Variants in SRRM1 observed in about 807,000 individuals in gnomAD.
The protein encoded by SRRM1 is serine/arginine repetitive matrix protein 1.
A neutral mutation model predicts 110.2 loss-of-function variants in SRRM1; 19 were observed. The observed-to-expected ratio is 0.17, with a 90% CI of 0.12 to 0.25. SRRM1 has a LOEUF of 0.25. Ranked by LOEUF, SRRM1 falls within the 10% of genes least tolerant of loss-of-function variation. SRRM1 has a pLI of 1.00. For synonymous variants in SRRM1, 443 were observed against 414.9 expected, an observed-to-expected ratio of 1.07 and a Z score of -0.82; for missense variants, 918 against 1,145.8, an observed-to-expected ratio of 0.80 and a Z score of 2.87.
At chr1:24,652,029 A>AATATATATATGTATATAT (rs1553167327) in intron 6 of SRRM1, among the ~76,000 whole-genome samples, 3 of 79,846 alleles carry the variant, frequency 3.8e-5, no homozygotes, top group Non-Finnish European at 7.7e-5. Context: ...CTGTACTAAA[A>AATATATATATGTATATAT]ATATATATAT....
At position 24,643,475 on chromosome 1, in the gene SRRM1, C is replaced by T. The variant is rs544697055; in HGVS notation, c.21+128C>T. 1.6e-4 allele frequency: 109 copies of T among 662,384 alleles called. 2 individuals carry two copies. In the African/African-American group the frequency reaches 2.0e-3, roughly 12 times the overall value. The allele number at this position is 662,384 out of a possible 1,614,324, so 41.0% of individuals were successfully genotyped here. A position where few individuals can be genotyped will look rare whatever the true frequency, so the allele number is the denominator to read the frequency against. ...GAGATCTTAAGGATTCCTCCTAGAG[C>T]CGGCGCACCCCCCCCCCCCCCGTGC... On this transcript the variant is annotated intron_variant, in intron 1 of 16. Transcript: ENST00000323848.
At chr1:24,652,059 T>C (rs1661200455) in intron 6 of SRRM1, among the ~76,000 whole-genome samples, 1 of 133,066 alleles carries the variant, frequency 7.5e-6, no homozygotes, top group South Asian at 2.4e-4. Flanking sequence ...TATATATATA[T>C]ATATGTACAC....
intron 3 of SRRM1, 190 bp from the exon 4 acceptor site, chr1:24,648,669 T>C: frequency 2.0e-6 from 1 of 494,314 alleles, no homozygotes; most frequent in Non-Finnish European, 3.5e-6. Flanking sequence ...AATTTGGTAA[T>C]CTGTTAGAGA....
In SRRM1 at chr1:24,651,637, AAAT is replaced by A. The variant is rs750480844; in HGVS notation, c.725+29_725+31del. On this transcript the variant is annotated intron_variant, in intron 6 of 16. Transcript: ENST00000323848. Reference sequence around the variant, plus strand: ...GGCAAGTATATAAAAATTCATTTATAAATAATCACAATTTTAGATTAATAGTGA... The same window carrying A: ...GGCAAGTATATAAAAATTCATTTATAAATCACAATTTTAGATTAATAGTGA... The A allele has an allele frequency of 5.2e-6, 8 of 1,533,704 alleles. No individual in the cohort carries two copies. The African/African-American group carries it at 6.9e-5, about 13-fold the overall frequency.
At chr1:24,657,532 G>A (rs1398338748) in intron 9 of SRRM1, among the ~76,000 whole-genome samples, 2 of 152,152 alleles carry the variant, frequency 1.3e-5, no homozygotes, top group Non-Finnish European at 2.9e-5. Context: ...TCATTGAAAT[G>A]TAATAGATAT....
chr1:24,666,667 A>AG (rs1271356731), intron 12 of SRRM1, 148 bp from the exon 13 acceptor site: 1 of 590,412 alleles, frequency 1.7e-6, no homozygotes, highest in Non-Finnish European at 3.0e-6. Flanking sequence ...CAGGAGGCTG[A>AG]GGGGGGAGAA....
In SRRM1 at chr1:24,655,087, A is replaced by C; in HGVS notation, c.1273A>C (p.Lys425Gln). 1 of 1,614,180 alleles carries C rather than the reference A, an allele frequency of 6.2e-7. No individual in the cohort carries two copies. Among genetic ancestry groups the C allele is most frequent in the Non-Finnish European group, 8.5e-7 (1 of 1,180,028 alleles). The change falls in exon 9 of 17, where the codon AAA (lysine) becomes CAA (glutamine). Residue 425 changes from lysine to glutamine, a missense_variant. Coordinates refer to ENST00000323848, the MANE Select transcript of SRRM1 (RefSeq NM_005839.4). ...PTPQQSNRTR[K>Q]SRVSVSPGRT... is the part of the protein sequence containing the mutation. The stretch of plus-strand genomic sequence containing the variant: ...ACCCCAGCAGTCAAACCGTACAAGA[A>C]AAAGTCGTGTTTCTGTGTCTCCAGG...
Position 24,650,096 on chromosome 1 carries a change from A to C in SRRM1, c.521+10A>C. 6.4e-7 allele frequency: 1 copy of C among 1,550,772 alleles called. No homozygotes were observed. ...CTCGTAGCCCAAGAAGGTATCATACAATAGATGCATAACTGATGTTTTACA... is the reference window on the plus strand; with the variant it reads ...CTCGTAGCCCAAGAAGGTATCATACCATAGATGCATAACTGATGTTTTACA... On this transcript the variant is annotated intron_variant, in intron 5 of 16. Transcript: ENST00000323848.
At chr1:24,649,344 A>G (rs769899557) in intron 4 of SRRM1, among the ~76,000 whole-genome samples, 38 of 152,206 alleles carry the variant, frequency 2.5e-4, no homozygotes, top group Non-Finnish European at 4.4e-4. Flanking sequence ...TTTGAGACAC[A>G]GTTTCAGTCT....
intron 13 of SRRM1, 101 bp downstream of exon 13, chr1:24,667,026 G>A (rs1670352212): frequency 4.3e-6 from 3 of 696,836 alleles, no homozygotes; most frequent in Admixed American, 6.1e-5. Flanking sequence ...AGGTTGGAGA[G>A]AGGCACAGCT....
rs748681676 is a variant in SRRM1, at chr1:24,652,590, T to C, written c.882T>C (p.Ser294=). ...SRSRTRSRSP[S]HTRPRRRHRS... ...CCCGGACGCGGTCCCGCTCTCCTTC[T>C]CACACTCGACCTAGACGGCGCCATA... The change falls in exon 7 of 17, where the codon TCT becomes TCC. Residue 294 remains serine (S), a synonymous_variant. Transcript: ENST00000323848. 7 of 1,613,010 alleles carry C rather than the reference T, an allele frequency of 4.3e-6. No homozygotes were observed. The highest frequency in any genetic ancestry group is 1.7e-4 in the Middle Eastern group (1 of 6,054).
chr1:24,660,975 A>C, intron 10 of SRRM1, 176 bp downstream of exon 10: 1 of 542,910 alleles, frequency 1.8e-6, no homozygotes, highest in Non-Finnish European at 3.3e-6. Context: ...CCAGAATTTA[A>C]CTGTTTCTGT....
intron 16 of SRRM1, among the ~76,000 whole-genome samples, chr1:24,671,959 T>C (rs1330267075): frequency 6.6e-6 from 1 of 152,006 alleles, no homozygotes; most frequent in Non-Finnish European, 1.5e-5. Flanking sequence ...TTAGGGTACA[T>C]GTGCACAATG....
rs1397074294 is a variant in SRRM1, at chr1:24,660,752, C to T, written c.1349C>T (p.Ser450Phe). 1 of 1,588,068 alleles carries T rather than the reference C, an allele frequency of 6.3e-7. No individual in the cohort carries two copies. Among genetic ancestry groups the T allele is most frequent in the Non-Finnish European group, 8.6e-7 (1 of 1,169,008 alleles). The change falls in exon 10 of 17, where the codon TCC (serine) becomes TTC (phenylalanine). Residue 450 changes from serine (S) to phenylalanine (F), a missense_variant. Ser to Phe is a radical substitution (Grantham distance 155). Transcript: ENST00000323848. Reference protein sequence around the residue: ...TKHKGTEKRESPSPAPKPRKV... With the variant: ...TKHKGTEKREFPSPAPKPRKV... ...CATAAAGGTACTGAGAAAAGAGAATCCCCTTCACCAGCACCGAAGCCTAGA... is the reference window on the plus strand; with the variant it reads ...CATAAAGGTACTGAGAAAAGAGAATTCCCTTCACCAGCACCGAAGCCTAGA...
At chr1:24,662,984 T>G in intron 12 of SRRM1, 180 bp downstream of exon 12, 2 of 1,002,626 alleles carry the variant, frequency 2.0e-6, no homozygotes, top group Non-Finnish European at 2.9e-6. Flanking sequence ...TTATTAATAA[T>G]TAATTTAGAA....
At chr1:24,670,728 C>T (rs1251488108) in intron 15 of SRRM1, among the ~76,000 whole-genome samples, 1 of 152,194 alleles carries the variant, frequency 6.6e-6, no homozygotes, top group East Asian at 1.9e-4. Context: ...GAACTCCTAG[C>T]CTCCAGTGAT....
chr1:24,668,697 CT>C (rs1671273450), intron 13 of SRRM1, among the ~76,000 whole-genome samples: 2 of 152,290 alleles, frequency 1.3e-5, no homozygotes, highest in East Asian at 1.9e-4. Flanking sequence ...TAGGAGACCT[CT>C]TTAAAGTGCA....
intron 8 of SRRM1, 134 bp downstream of exon 8, chr1:24,653,166 T>G (rs1211275679): frequency 1.3e-5 from 11 of 851,680 alleles, no homozygotes; most frequent in Middle Eastern, 7.3e-4. Context: ...TTCTAAAGAG[T>G]CTGTTTCATT....
intron 12 of SRRM1, among the ~76,000 whole-genome samples, chr1:24,663,899 T>TAAC (rs1668500617): frequency 6.9e-6 from 1 of 145,776 alleles, no homozygotes; most frequent in Non-Finnish European, 1.5e-5. Context: ...ATAATAATAA[T>TAAC]AATAATAATA....
Sources: gnomAD v4.1 joint callset for allele counts (sites outside exome capture counted in the v4.1 genomes callset) on GRCh38, gnomAD v4.1.1 for gene constraint, MANE v1.5 for transcripts, NCBI Gene and HGNC (gene_info 2026-07-23, HGNC 2026-07-21) for gene names.